EFTUD2: variants seen among roughly 807,000 people sequenced by gnomAD.
EFTUD2 encodes the protein elongation factor Tu GTP binding domain containing 2, also known as 116 kDa U5 small nuclear ribonucleoprotein component.
Under a neutral mutation model 114.3 loss-of-function variants are expected in EFTUD2, and 9 were observed. That is an observed-to-expected ratio of 0.08 (90% CI 0.05 to 0.14). The LOEUF (loss-of-function observed/expected upper bound fraction) is 0.14. Ranked by LOEUF, EFTUD2 falls within the 10% of genes least tolerant of loss-of-function variation. The pLI is 1.00. For synonymous variants in EFTUD2, 449 were observed against 462.3 expected (o/e 0.97, Z 0.37); for missense variants, 765 against 1,241.2 (o/e 0.62, Z 5.76).
Position 44,854,824 on chromosome 17 carries a change from G to C in EFTUD2, c.2132+94C>G. The C allele has an allele frequency of 6.4e-7, 1 of 1,564,104 alleles. No individual in the cohort carries two copies. The highest frequency in any genetic ancestry group is 2.2e-5 in the East Asian group (1 of 44,534). On this transcript the variant is annotated intron_variant, in intron 21 of 27. Transcript: ENST00000426333. This position sits in a 1 kb window ranked among gnomAD's most constrained non-coding sequence, Gnocchi z 4.3. ...CAAGAGCAAAGGCAAAGACATAAAT[G>C]CTCCCCAGAAAGATGTGTGCTCTTA... is the stretch of plus-strand genomic sequence containing the variant.
chr17:44,865,817 A>G (rs992056302), intron 13 of EFTUD2, among the ~76,000 whole-genome samples: 1 of 152,018 alleles, frequency 6.6e-6, no homozygotes, highest in African/African-American at 2.4e-5. Context: ...GTCATGCTAT[A>G]TTCCCTTTTT....
chr17:44,863,291 T>C (rs1006770129), intron 15 of EFTUD2: 1 of 248,140 alleles, frequency 4.0e-6, no homozygotes, highest in Non-Finnish European at 7.7e-6. Flanking sequence ...GGGAAAGATG[T>C]TTTTAAAAGC....
chr17:44,855,010 C>T lies in EFTUD2; in HGVS notation c.2046-6G>A, dbSNP rs917129609. 1 of 1,613,612 alleles carries T rather than the reference C, an allele frequency of 6.2e-7. No individual in the cohort carries two copies. The highest frequency in any genetic ancestry group is 1.3e-5 in the African/African-American group (1 of 74,998). ...CAATCATGGTGATCTTGTTCCTGGT[C>T]AGAATGGAAATGGGTGGTAAGGACG... On this transcript the variant is annotated splice_polypyrimidine_tract_variant and splice_region_variant and intron_variant, in intron 20 of 27. Coordinates refer to ENST00000426333, the MANE Select transcript of EFTUD2 (RefSeq NM_004247.4).
intron 11 of EFTUD2, among the ~76,000 whole-genome samples, chr17:44,870,226 G>T (rs2050821957): frequency 6.6e-6 from 1 of 152,166 alleles, no homozygotes; most frequent in Non-Finnish European, 1.5e-5. Context: ...CAAGGCTGAG[G>T]ATCATTTTCA....
intron 11 of EFTUD2, among the ~76,000 whole-genome samples, chr17:44,869,835 A>G (rs1021496304): frequency 1.3e-5 from 2 of 152,176 alleles, no homozygotes; most frequent in Non-Finnish European, 2.9e-5. Flanking sequence ...TACAGCACTC[A>G]GCTCACACTA....
chr17:44,885,701 C>A (rs1478945610), intron 3 of EFTUD2, among the ~76,000 whole-genome samples: 1 of 152,026 alleles, frequency 6.6e-6, no homozygotes, highest in Non-Finnish European at 1.5e-5. Context: ...TTCACTGTTA[C>A]CCAGGCTGAA....
In EFTUD2 at chr17:44,850,170, G is replaced by C; in HGVS notation, c.*1104C>G. On this transcript the variant is annotated 3_prime_UTR_variant, in exon 28 of 28. Coordinates refer to ENST00000426333, the MANE Select transcript of EFTUD2 (RefSeq NM_004247.4). The stretch of plus-strand genomic sequence containing the variant: ...GATAAGTGGTTTCCCCAGGTTGTGT[G>C]GTCAGATGCTTGAAGCAGCTGTTGG... The C allele has an allele frequency of 1.7e-6, 1 of 586,046 alleles. No homozygotes were observed. Among genetic ancestry groups the C allele is most frequent in the South Asian group, 2.1e-5 (1 of 48,028 alleles). 36.3% of individuals were successfully genotyped at this position (586,046 alleles called of 1,614,324 possible). A position where few individuals can be genotyped will look rare whatever the true frequency, so the allele number is the denominator to read the frequency against.
chr17:44,894,549 T>A (rs750569614), intron 1 of EFTUD2, 24 bp from the exon 2 acceptor site: 1 of 1,579,488 alleles, frequency 6.3e-7, no homozygotes, highest in Non-Finnish European at 8.7e-7. Context: ...AGAGAAGAGT[T>A]AGATTCTGAC....
At chr17:44,863,606 C>T (rs776625533) in intron 15 of EFTUD2, 49 bp downstream of exon 15, 1 of 1,591,546 alleles carries the variant, frequency 6.3e-7, no homozygotes. Flanking sequence ...TATCCCCACA[C>T]AGGAAGGGGA....
chr17:44,850,400 T>C lies in EFTUD2; in HGVS notation c.*874A>G. 6.2e-7 allele frequency: 1 copy of C among 1,610,074 alleles called. No individual in the cohort carries two copies. The highest frequency in any genetic ancestry group is 8.5e-7 in the Non-Finnish European group (1 of 1,177,186). ...ACAGGATGCTGGAGAGAAGTAGGAC[T>C]CCTATAGGAGCCGGGGCTGTCCAAC... On this transcript the variant is annotated 3_prime_UTR_variant, in exon 28 of 28. Coordinates refer to ENST00000426333, the MANE Select transcript of EFTUD2 (RefSeq NM_004247.4).
chr17:44,886,587 G>C lies in EFTUD2; in HGVS notation c.269C>G (p.Thr90Arg). ...IVQEEDTQPL[T>R]EPIIKPVKTK... Reference sequence around the variant, plus strand: ...CAGCCCATGTCCTCCTGATGTACCTGTGAGAGGCTGAGTGTCTTCCTCTTG... The same window carrying C: ...CAGCCCATGTCCTCCTGATGTACCTCTGAGAGGCTGAGTGTCTTCCTCTTG... The change falls in exon 3 of 28, where the codon ACA (threonine) becomes AGA (arginine). Residue 90 changes from threonine (T) to arginine (R), a missense_variant and splice_region_variant. Thr to Arg is a moderately conservative substitution (Grantham distance 71). This residue lies in a region of EFTUD2 where 121 missense variants were observed against 133.7 expected (regional missense o/e 0.90). Transcript: ENST00000426333. 6.2e-7 allele frequency: 1 copy of C among 1,614,180 alleles called. No individual in the cohort carries two copies.
At chr17:44,883,759 G>T (rs754583381) in intron 4 of EFTUD2, 35 bp from the exon 5 acceptor site, 4 of 1,606,766 alleles carry the variant, frequency 2.5e-6, no homozygotes, top group Non-Finnish European at 3.4e-6. Context: ...AAGAGAGATT[G>T]GCAAACGTTT....
chr17:44,880,896 A>G (rs2051061340), intron 7 of EFTUD2, among the ~76,000 whole-genome samples: 1 of 152,264 alleles, frequency 6.6e-6, no homozygotes, highest in African/African-American at 2.4e-5. Context: ...AAGCCTTATC[A>G]GAGAATCCAG....
chr17:44,858,433 A>G (rs994123774), intron 19 of EFTUD2, among the ~76,000 whole-genome samples: 11 of 152,010 alleles, frequency 7.2e-5, no homozygotes, highest in African/African-American at 2.4e-4. Flanking sequence ...GAGACAGGGT[A>G]TGACTCCATC....
chr17:44,863,469 G>A (rs915432329), intron 15 of EFTUD2, 186 bp downstream of exon 15: 2 of 706,936 alleles, frequency 2.8e-6, no homozygotes, highest in East Asian at 3.0e-5. Flanking sequence ...GGAAATGTGA[G>A]TAATGTTCCC....
intron 2 of EFTUD2, among the ~76,000 whole-genome samples, chr17:44,891,417 A>T (rs567500637): frequency 1.3e-5 from 2 of 152,304 alleles, no homozygotes; most frequent in South Asian, 2.1e-4. Context: ...TGGCATGACC[A>T]TAGCTCACCA....
In EFTUD2 at chr17:44,854,490, A is replaced by T; in HGVS notation, c.2259+66T>A. On this transcript the variant is annotated intron_variant, in intron 22 of 27. Transcript: ENST00000426333. This position sits in a 1 kb window ranked among gnomAD's most constrained non-coding sequence, Gnocchi z 4.3. The stretch of plus-strand genomic sequence containing the variant: ...CACAAGATACTTTTGGGAAAAGAAC[A>T]CTTTGTAGTTTCTTCCACTCCAGAG... 1.3e-6 allele frequency: 2 copies of T among 1,585,698 alleles called. No individual in the cohort carries two copies. Among genetic ancestry groups the T allele is most frequent in the Non-Finnish European group, 1.7e-6 (2 of 1,163,898 alleles).
chr17:44,853,848 C>T (rs2050499663), intron 23 of EFTUD2: 2 of 1,411,564 alleles, frequency 1.4e-6, no homozygotes, highest in Non-Finnish European at 1.8e-6. Flanking sequence ...TTGCTTCAGG[C>T]CATGCTCAGA....
chr17:44,859,888 G>A lies in EFTUD2; in HGVS notation c.1860+17C>T, dbSNP rs969409287. On this transcript the variant is annotated intron_variant, in intron 18 of 27. Transcript: ENST00000426333. ...GGGATAGTGGGGCTTGGCGGCTGCT[G>A]CAGGCCATGGGCATACCTTGGTGGT... 1.4e-5 allele frequency: 23 copies of A among 1,613,844 alleles called. No homozygotes were observed. Among genetic ancestry groups the A allele is most frequent in the Non-Finnish European group, 1.9e-5 (23 of 1,179,968 alleles).
Sources: gnomAD v4.1 joint callset for allele counts (sites outside exome capture counted in the v4.1 genomes callset) on GRCh38, gnomAD v4.1.1 for gene constraint, gnomAD v4.1.1 regional missense constraint, Gnocchi (gnomAD v3.1) non-coding constraint, MANE v1.5 for transcripts, NCBI Gene and HGNC (gene_info 2026-07-23, HGNC 2026-07-21) for gene names.